RBFOX3: variants seen among roughly 807,000 people sequenced by gnomAD.
RBFOX3 encodes the protein RNA binding protein fox-1 homolog 3.
In RBFOX3, 17 loss-of-function variants were observed where a neutral mutation model predicts 48.7. The observed-to-expected ratio is 0.35, with a 90% CI of 0.24 to 0.52. The LOEUF (loss-of-function observed/expected upper bound fraction) is 0.52. Ranked by LOEUF, RBFOX3 falls within the 20% of genes least tolerant of loss-of-function variation. RBFOX3 has a pLI of 0.94. For missense variants in RBFOX3, 382 were observed against 497.5 expected, an observed-to-expected ratio of 0.77 and a Z score of 2.21; for synonymous variants, 212 against 209.5, an observed-to-expected ratio of 1.01 and a Z score of -0.10.
In RBFOX3 at chr17:79,557,543, G is replaced by A. The variant is rs937195355; in HGVS notation, c.-320+53283C>T. Among the ~76,000 whole-genome samples the A allele has an allele frequency of 3.2e-4, 48 of 152,358 alleles. No homozygotes were observed. The East Asian group carries it at 4.2e-3, about 13-fold the overall frequency. Reference sequence around the variant, plus strand: ...AGCCCGGCGGTGGTGGGGGGAAAGGGGGGAAGAGTGGCAAGGACCAAGTGA... The same window carrying A: ...AGCCCGGCGGTGGTGGGGGGAAAGGAGGGAAGAGTGGCAAGGACCAAGTGA... On this transcript the variant is annotated intron_variant, in intron 1 of 14. Transcript: ENST00000693108.
intron 12 of RBFOX3, 25 bp downstream of exon 12, chr17:79,096,628 T>G: frequency 2.6e-5 from 16 of 622,796 alleles, no homozygotes; most frequent in East Asian, 5.1e-5. Context: ...GATCCCACCC[T>G]CCCTCCCGGC....
At chr17:79,129,707 C>T (rs935835510) in intron 4 of RBFOX3, among the ~76,000 whole-genome samples, 4 of 152,250 alleles carry the variant, frequency 2.6e-5, no homozygotes, top group African/African-American at 9.6e-5. Flanking sequence ...ACAACTGGCT[C>T]CGTGGGGAAA....
intron 4 of RBFOX3, among the ~76,000 whole-genome samples, chr17:79,170,754 G>A (rs1218639241): frequency 6.6e-6 from 1 of 152,002 alleles, no homozygotes; most frequent in Non-Finnish European, 1.5e-5. Context: ...TTGTAAATCT[G>A]ATCCTCACTC....
At chr17:79,490,271 C>T (rs1216450325) in intron 1 of RBFOX3, among the ~76,000 whole-genome samples, 3 of 152,170 alleles carry the variant, frequency 2.0e-5, no homozygotes, top group Admixed American at 1.3e-4. Flanking sequence ...CATTATTCAA[C>T]GTATCCAACG....
At chr17:79,620,455 G>T in the RBFOX3 span, among the ~76,000 whole-genome samples, 9 of 139,226 alleles carry the variant, frequency 6.5e-5, no homozygotes, top group African/African-American at 2.4e-4. Context: ...GCACACATGC[G>T]CACACACATG....
At chr17:79,265,058 C>T (rs1474998049) in intron 3 of RBFOX3, among the ~76,000 whole-genome samples, 2 of 152,150 alleles carry the variant, frequency 1.3e-5, no homozygotes, top group Non-Finnish European at 2.9e-5. Context: ...GCAGACTTTC[C>T]ACCACCTCCC....
chr17:79,104,206 C>T (rs568336149), intron 6 of RBFOX3, 80 bp from the exon 7 acceptor site: 6 of 1,218,770 alleles, frequency 4.9e-6, no homozygotes, highest in Middle Eastern at 3.8e-4. Context: ...GCCCGCTCCA[C>T]TCCTGAGACG....
intron 4 of RBFOX3, among the ~76,000 whole-genome samples, chr17:79,217,172 G>C (rs2059164315): frequency 6.6e-6 from 1 of 152,228 alleles, no homozygotes; most frequent in Admixed American, 6.5e-5. Context: ...CCAAGGCCAG[G>C]CCCCTTGGCT....
intron 2 of RBFOX3, among the ~76,000 whole-genome samples, chr17:79,445,680 C>T (rs1453316663): frequency 6.6e-6 from 1 of 152,210 alleles, no homozygotes; most frequent in African/African-American, 2.4e-5. Context: ...CAGAAGAGTC[C>T]AAGATGGGGC....
At chr17:79,116,062 C>G (rs972511907) in intron 4 of RBFOX3, among the ~76,000 whole-genome samples, 9 of 152,258 alleles carry the variant, frequency 5.9e-5, no homozygotes, top group Non-Finnish European at 1.2e-4. Context: ...AAAAATTAAC[C>G]ATTTTAAGGT....
Position 79,361,856 on chromosome 17 carries a change from A to C in RBFOX3, c.-174-54032T>G, listed in dbSNP as rs899837499. ...TTTAGTCATTTTTATATGGCTCACAAGGCATAGGCAGATTTCTCTGTTTCT... is the reference window on the plus strand; with the variant it reads ...TTTAGTCATTTTTATATGGCTCACACGGCATAGGCAGATTTCTCTGTTTCT... On this transcript the variant is annotated intron_variant, in intron 2 of 14. Transcript: ENST00000693108. The surrounding 1 kb of genome is among the most constrained non-coding windows in gnomAD (Gnocchi z 4.5). Among the ~76,000 whole-genome samples, 3 of 152,238 alleles carry C rather than the reference A, an allele frequency of 2.0e-5. No individual in the cohort carries two copies. Among genetic ancestry groups the C allele is most frequent in the African/African-American group, 7.2e-5 (3 of 41,464 alleles).
intron 1 of RBFOX3, among the ~76,000 whole-genome samples, chr17:79,540,842 C>T (rs915531379): frequency 2.6e-5 from 4 of 152,188 alleles, no homozygotes; most frequent in African/African-American, 9.7e-5. Context: ...CCTCAGCTGT[C>T]CTAATCCATT....
At chr17:79,426,352 C>T (rs889093210) in intron 2 of RBFOX3, among the ~76,000 whole-genome samples, 4 of 152,120 alleles carry the variant, frequency 2.6e-5, no homozygotes, top group South Asian at 2.1e-4. Flanking sequence ...CTTTCTTGCT[C>T]GAACAGTAAA....
intron 1 of RBFOX3, among the ~76,000 whole-genome samples, chr17:79,521,006 C>T (rs1431145904): frequency 3.3e-5 from 5 of 152,356 alleles, no homozygotes; most frequent in African/African-American, 9.6e-5. Flanking sequence ...AGGGAGCACA[C>T]GGGTGAAGCC....
chr17:79,436,198 C>T lies in RBFOX3; in HGVS notation c.-175+46256G>A, dbSNP rs562472652. Among the ~76,000 whole-genome samples the T allele has an allele frequency of 5.9e-5, 9 of 152,342 alleles. No individual in the cohort carries two copies. The East Asian group carries it at 7.7e-4, about 13-fold the overall frequency. On this transcript the variant is annotated intron_variant, in intron 2 of 14. Coordinates refer to ENST00000693108, the MANE Select transcript of RBFOX3 (RefSeq NM_001350451.2). Reference sequence around the variant, plus strand: ...CTGCTGTGAGTGGGCACTGTGCAAACGTACAGGACATGGGGCTGCCCACAG... The same window carrying T: ...CTGCTGTGAGTGGGCACTGTGCAAATGTACAGGACATGGGGCTGCCCACAG...
At chr17:79,289,223 G>C (rs1177982393) in intron 3 of RBFOX3, among the ~76,000 whole-genome samples, 1 of 152,222 alleles carries the variant, frequency 6.6e-6, no homozygotes, top group Non-Finnish European at 1.5e-5. Flanking sequence ...CCGAGTCGGC[G>C]GGTTAGGTGT....
chr17:79,359,208 G>A (rs988670335), intron 2 of RBFOX3, among the ~76,000 whole-genome samples: 4 of 152,234 alleles, frequency 2.6e-5, no homozygotes, highest in East Asian at 1.9e-4. Flanking sequence ...AGAGCTGAGG[G>A]GCTTGGCTGA....
In RBFOX3 at chr17:79,391,509, G is replaced by A. The variant is rs371294368; in HGVS notation, c.-174-83685C>T. Among the ~76,000 whole-genome samples, 14 of 152,222 alleles carry A rather than the reference G, an allele frequency of 9.2e-5. No individual in the cohort carries two copies. Among genetic ancestry groups the A allele is most frequent in the African/African-American group, 3.4e-4 (14 of 41,522 alleles). On this transcript the variant is annotated intron_variant, in intron 2 of 14. Transcript: ENST00000693108. The surrounding 1 kb of genome is among the most constrained non-coding windows in gnomAD (Gnocchi z 5.0). Reference sequence around the variant, plus strand: ...AAAATGTCAAGTTCATGACTTGTCCGCCCAAATACGGCAAATGCCACCGAT... The same window carrying A: ...AAAATGTCAAGTTCATGACTTGTCCACCCAAATACGGCAAATGCCACCGAT...
At chr17:79,315,431 C>T (rs1214089857) in intron 2 of RBFOX3, among the ~76,000 whole-genome samples, 1 of 152,156 alleles carries the variant, frequency 6.6e-6, no homozygotes, top group Non-Finnish European at 1.5e-5. Context: ...CATCTGCAGG[C>T]CGACAAGGAA....
Sources: gnomAD v4.1 joint callset for allele counts (sites outside exome capture counted in the v4.1 genomes callset) on GRCh38, gnomAD v4.1.1 for gene constraint, Gnocchi (gnomAD v3.1) non-coding constraint, MANE v1.5 for transcripts, NCBI Gene and HGNC (gene_info 2026-07-23, HGNC 2026-07-21) for gene names.